The following CCNK variants were observed in gnomAD, a reference collection of about 807,000 sequenced individuals.
CCNK encodes the protein cyclin-K.
CCNK carries 9 observed loss-of-function variants against 65.0 expected under a neutral mutation model. The ratio of observed to expected loss-of-function variants is 0.14; its 90% CI spans 0.08 to 0.24. The LOEUF (loss-of-function observed/expected upper bound fraction) is 0.24. CCNK is among the 10% of genes least tolerant of loss of function. The pLI, the probability that CCNK is intolerant of heterozygous loss-of-function variation, is 1.00. For missense variants in CCNK, 474 were observed against 720.0 expected (o/e 0.66, Z 3.91); for synonymous variants, 279 against 270.8 (o/e 1.03, Z -0.30).
At chr14:99,490,167 G>GATAT (rs1896568958) in intron 1 of CCNK, among the ~76,000 whole-genome samples, 1 of 152,186 alleles carries the variant, frequency 6.6e-6, no homozygotes, top group Non-Finnish European at 1.5e-5. Flanking sequence ...AGAAAGTAGA[G>GATAT]CTTAATTCCT....
At chr14:99,492,962 T>C (rs1896626526) in intron 2 of CCNK, 88 bp downstream of exon 2, 1 of 1,097,488 alleles carries the variant, frequency 9.1e-7, no homozygotes, top group Non-Finnish European at 1.3e-6. Context: ...AAATATATAG[T>C]AATTTCTCTG....
intron 3 of CCNK, 57 bp from the exon 4 acceptor site, chr14:99,495,441 A>C (rs992129437): frequency 6.5e-7 from 1 of 1,537,038 alleles, no homozygotes; most frequent in African/African-American, 1.4e-5. Context: ...AATTTATTGT[A>C]TCTATTTCTG....
chr14:99,486,504 C>T (rs1259136955), intron 1 of CCNK, among the ~76,000 whole-genome samples: 1 of 151,596 alleles, frequency 6.6e-6, no homozygotes, highest in Non-Finnish European at 1.5e-5. Context: ...TAGATATGTT[C>T]TGTAGAGACT....
chr14:99,484,848 T>C (rs1896445514), intron 1 of CCNK, among the ~76,000 whole-genome samples: 1 of 152,266 alleles, frequency 6.6e-6, no homozygotes, highest in African/African-American at 2.4e-5. Flanking sequence ...TTCTAAATGT[T>C]GAAAATATAT....
At chr14:99,481,662 T>A (rs771019647) in intron 1 of CCNK, 183 bp downstream of exon 1, 1 of 388,286 alleles carries the variant, frequency 2.6e-6, no homozygotes, top group Non-Finnish European at 4.5e-6. Context: ...GGCGGGCGTG[T>A]AGAGAGGGTC....
Position 99,501,119 on chromosome 14 carries a change from G to A in CCNK, c.518-237G>A, listed in dbSNP as rs1896813874. The A allele has an allele frequency of 1.2e-5, 7 of 600,130 alleles. No individual in the cohort carries two copies. In the East Asian group the frequency reaches 2.0e-4, roughly 17 times the overall value. 37.2% of individuals were successfully genotyped at this position (600,130 alleles called of 1,614,324 possible). On this transcript the variant is annotated intron_variant, in intron 5 of 10. Transcript: ENST00000389879. ...GAAAATGAGGCAGAATTTTTTAAAT[G>A]GACTAATAAACTTAGCCTTGGAGCC...
chr14:99,493,478 A>G lies in CCNK; in HGVS notation c.198-36A>G, dbSNP rs1327654897. The G allele has an allele frequency of 3.7e-6, 5 of 1,365,232 alleles. No individual in the cohort carries two copies. In the East Asian group the frequency reaches 9.2e-5, roughly 25 times the overall value. 84.6% of individuals were successfully genotyped at this position (1,365,232 alleles called of 1,614,324 possible). ...CATTTAACTAAGAGTATAACCTGTA[A>G]AAGTTATTGGTTAGAGTCCTTAACC... On this transcript the variant is annotated intron_variant, in intron 2 of 10. Transcript: ENST00000389879.
At chr14:99,502,417 T>G in intron 7 of CCNK, 41 bp downstream of exon 7, 1 of 1,597,548 alleles carries the variant, frequency 6.3e-7, no homozygotes, top group Non-Finnish European at 8.5e-7. Flanking sequence ...GTGTTCCATG[T>G]TGAGATGATT....
At chr14:99,484,662 A>G (rs374974519) in intron 1 of CCNK, among the ~76,000 whole-genome samples, 43 of 152,322 alleles carry the variant, frequency 2.8e-4, no homozygotes, top group African/African-American at 9.9e-4. Flanking sequence ...AGGACAGATA[A>G]AAATCAATAT....
chr14:99,500,592 A>G, intron 4 of CCNK, 174 bp from the exon 5 acceptor site: 1 of 580,614 alleles, frequency 1.7e-6, no homozygotes. Context: ...TCTTTTCAGA[A>G]TTTATCAGTG....
chr14:99,503,311 C>G lies in CCNK; in HGVS notation c.1012-300C>G, dbSNP rs554157777. 9.2e-4 allele frequency: 561 copies of G among 606,544 alleles called. 2 individuals carry two copies. In the South Asian group the frequency reaches 0.01, roughly 11 times the overall value. The allele number at this position is 606,544 out of a possible 1,614,324, so 37.6% of individuals were successfully genotyped here. On this transcript the variant is annotated intron_variant, in intron 8 of 10. Coordinates refer to ENST00000389879, the MANE Select transcript of CCNK (RefSeq NM_001099402.2). ...TGCTGCTTCTGTGCAGCTGCCTGAC[C>G]CCAAACAGTGGACCGTTTCCTGCAC... is the stretch of plus-strand genomic sequence containing the variant.
chr14:99,492,910 G>A, intron 2 of CCNK, 36 bp downstream of exon 2: 1 of 1,497,774 alleles, frequency 6.7e-7, no homozygotes, highest in East Asian at 2.3e-5. Context: ...TTACAGATAG[G>A]CTCCCCACTC....
intron 1 of CCNK, among the ~76,000 whole-genome samples, chr14:99,491,213 TGACATTTCATAGTTAG>T (rs3918061): frequency 6.6e-6 from 1 of 152,184 alleles, no homozygotes; most frequent in African/African-American, 2.4e-5. Context: ...TTCATAGTTG[TGACATTTCATAGTTAG>T]GACAATATTT....
In CCNK at chr14:99,493,496, C is replaced by T; in HGVS notation, c.198-18C>T. 6.4e-7 allele frequency: 1 copy of T among 1,566,908 alleles called. No homozygotes were observed. Among genetic ancestry groups the T allele is most frequent in the Non-Finnish European group, 8.7e-7 (1 of 1,142,942 alleles). On this transcript the variant is annotated intron_variant, in intron 2 of 10. Coordinates refer to ENST00000389879, the MANE Select transcript of CCNK (RefSeq NM_001099402.2). ...ACCTGTAAAAGTTATTGGTTAGAGT[C>T]CTTAACCAGAACAACAGACACTATG...
At chr14:99,502,037 A>T in intron 6 of CCNK, 170 bp from the exon 7 acceptor site, 2 of 652,626 alleles carry the variant, frequency 3.1e-6, no homozygotes, top group Non-Finnish European at 4.6e-6. Context: ...AAAGTAACTT[A>T]GTCGGGTACC....
intron 10 of CCNK, 104 bp from the exon 11 acceptor site, chr14:99,510,052 GC>G: frequency 8.5e-7 from 1 of 1,176,858 alleles, no homozygotes; most frequent in Non-Finnish European, 1.2e-6. Context: ...GAGGCGGGCA[GC>G]TGCTCCCTGC....
intron 1 of CCNK, among the ~76,000 whole-genome samples, chr14:99,491,159 C>T (rs1193706228): frequency 6.6e-6 from 1 of 152,130 alleles, no homozygotes; most frequent in Non-Finnish European, 1.5e-5. Context: ...ATAGTTTTGC[C>T]ATTATAAATA....
chr14:99,504,081 G>C (rs184007727), intron 9 of CCNK: 3 of 386,468 alleles, frequency 7.8e-6, no homozygotes, highest in African/African-American at 4.3e-5. Context: ...TGCAGGCAAG[G>C]CCTCTTTGAA....
Position 99,501,427 on chromosome 14 carries a change from A to C in CCNK, c.575+14A>C. On this transcript the variant is annotated intron_variant, in intron 6 of 10. Transcript: ENST00000389879. ...TGTAAATGACAGGTATACATGTTCA[A>C]ATGTTGATTAATTACAGTATTTTAA... 1 of 1,508,788 alleles carries C rather than the reference A, an allele frequency of 6.6e-7. No individual in the cohort carries two copies. The highest frequency in any genetic ancestry group is 9.2e-7 in the Non-Finnish European group (1 of 1,086,768). 93.5% of individuals were successfully genotyped at this position (1,508,788 alleles called of 1,614,324 possible).
Sources: allele counts gnomAD v4.1 joint callset (sites outside exome capture counted in the v4.1 genomes callset), GRCh38; gene constraint gnomAD v4.1.1; transcripts MANE v1.5; gene names NCBI Gene and HGNC (gene_info 2026-07-23, HGNC 2026-07-21).